WDR41: variants seen among roughly 807,000 people sequenced by gnomAD.
WDR41 encodes the protein WD repeat domain 41, also known as WD repeat-containing protein 41.
Under a neutral mutation model 69.3 loss-of-function variants are expected in WDR41, and 63 were observed. The observed-to-expected ratio is 0.91, with a 90% CI of 0.74 to 1.12. The LOEUF is 1.12. Ranked by LOEUF, WDR41 falls within the 50% of genes most tolerant of loss-of-function variation. The probability of loss-of-function intolerance (pLI) is 0.00; values close to 1 mark genes in which losing one functional copy is unlikely to be tolerated. For missense variants in WDR41, 543 were observed against 534.5 expected, an observed-to-expected ratio of 1.02 and a Z score of -0.16; for synonymous variants, 185 against 192.1, an observed-to-expected ratio of 0.96 and a Z score of 0.31.
chr5:77,434,697 A>G (rs1324964865), intron 12 of WDR41, among the ~76,000 whole-genome samples: 2 of 152,110 alleles, frequency 1.3e-5, no homozygotes, highest in Non-Finnish European at 2.9e-5. Flanking sequence ...ATGCTGTCTC[A>G]AAGAAAAAAA....
intron 2 of WDR41, among the ~76,000 whole-genome samples, chr5:77,478,289 A>T (rs552329238): frequency 6.6e-6 from 1 of 152,342 alleles, no homozygotes; most frequent in South Asian, 2.1e-4. Flanking sequence ...TATTCCAATC[A>T]ATAGTAAAAG....
At chr5:77,484,946 T>A (rs1371612911) in intron 2 of WDR41, among the ~76,000 whole-genome samples, 1 of 152,194 alleles carries the variant, frequency 6.6e-6, no homozygotes, top group Admixed American at 6.5e-5. Flanking sequence ...AGAAGCCAGG[T>A]GCATGTTCTT....
chr5:77,561,077 C>T (rs1743515050), intron 1 of WDR41, among the ~76,000 whole-genome samples: 1 of 152,102 alleles, frequency 6.6e-6, no homozygotes, highest in South Asian at 2.1e-4. Flanking sequence ...TTACATTGTT[C>T]TCTGTATCCA....
intron 1 of WDR41, among the ~76,000 whole-genome samples, chr5:77,576,125 G>A (rs1165719292): frequency 6.6e-6 from 1 of 152,066 alleles, no homozygotes; most frequent in African/African-American, 2.4e-5. Flanking sequence ...AACTGTTTGC[G>A]ATATGACAAA....
chr5:77,617,146 T>C (rs1006534910), intron 1 of WDR41, among the ~76,000 whole-genome samples: 12 of 152,228 alleles, frequency 7.9e-5, no homozygotes, highest in Non-Finnish European at 1.2e-4. Context: ...TTTGTGATGA[T>C]ATCCAATATA....
intron 1 of WDR41, among the ~76,000 whole-genome samples, chr5:77,619,787 G>A (rs1184246510): frequency 1.3e-5 from 2 of 152,088 alleles, no homozygotes; most frequent in African/African-American, 4.8e-5. Context: ...AGTCTTACTG[G>A]AAAGCCAGGA....
chr5:77,611,413 A>T (rs1250585718), intron 1 of WDR41, among the ~76,000 whole-genome samples: 7 of 152,216 alleles, frequency 4.6e-5, no homozygotes, highest in South Asian at 2.1e-4. Context: ...GAAGTAAAGC[A>T]CTCCTCAGCA....
chr5:77,488,588 TG>T (rs1321791617), intron 2 of WDR41, among the ~76,000 whole-genome samples: 3 of 150,452 alleles, frequency 2.0e-5, no homozygotes, highest in African/African-American at 7.4e-5. Flanking sequence ...AAATTAGAGA[TG>T]AAAGTGGAAA....
intron 8 of WDR41, 98 bp from the exon 9 acceptor site, chr5:77,441,095 G>A: frequency 7.6e-7 from 1 of 1,319,688 alleles, no homozygotes; most frequent in Non-Finnish European, 1.0e-6. Flanking sequence ...TAAAACCACA[G>A]TAATTAGAAC....
intron 4 of WDR41, among the ~76,000 whole-genome samples, chr5:77,459,842 T>G (rs1799971501): frequency 6.7e-6 from 1 of 149,672 alleles, no homozygotes; most frequent in Non-Finnish European, 1.5e-5. Context: ...TGTTATATTT[T>G]TATTATACAG....
intron 2 of WDR41, among the ~76,000 whole-genome samples, chr5:77,486,196 C>A (rs1252839435): frequency 6.6e-6 from 1 of 152,112 alleles, no homozygotes; most frequent in Non-Finnish European, 1.5e-5. Context: ...TTTTTTAGTA[C>A]ACTACAGAAT....
intron 1 of WDR41, among the ~76,000 whole-genome samples, chr5:77,565,339 C>T (rs1743603001): frequency 6.6e-6 from 1 of 152,160 alleles, no homozygotes; most frequent in Non-Finnish European, 1.5e-5. Flanking sequence ...GCTGAATGCC[C>T]TTTGCCAATT....
intron 1 of WDR41, among the ~76,000 whole-genome samples, chr5:77,501,370 G>A (rs796682751): frequency 1.5e-4 from 23 of 152,236 alleles, no homozygotes; most frequent in East Asian, 1.3e-3. Flanking sequence ...CAAAGCAGCC[G>A]GGAAGCTCGA....
chr5:77,435,161 T>C (rs953108027), intron 12 of WDR41, among the ~76,000 whole-genome samples: 1 of 152,162 alleles, frequency 6.6e-6, no homozygotes, highest in Non-Finnish European at 1.5e-5. Context: ...AGTTAAAAAC[T>C]GAGCTACTTG....
chr5:77,543,429 T>G (rs556414881), intron 1 of WDR41, among the ~76,000 whole-genome samples: 1 of 152,102 alleles, frequency 6.6e-6, no homozygotes, highest in African/African-American at 2.4e-5. Flanking sequence ...GGGAGAAATA[T>G]TCAAGGAAAT....
intron 9 of WDR41, among the ~76,000 whole-genome samples, chr5:77,439,456 T>C (rs1454112381): frequency 2.0e-5 from 3 of 152,226 alleles, no homozygotes; most frequent in African/African-American, 7.2e-5. Flanking sequence ...TAATGAACAC[T>C]GCTAGCCAAT....
chr5:77,596,709 C>T (rs546324482), intron 1 of WDR41, among the ~76,000 whole-genome samples: 9 of 152,192 alleles, frequency 5.9e-5, no homozygotes, highest in Admixed American at 3.3e-4. Context: ...AGTTTTGTGC[C>T]ATATGTATTG....
At chr5:77,438,610 C>T (rs954966482) in intron 9 of WDR41, among the ~76,000 whole-genome samples, 6 of 152,188 alleles carry the variant, frequency 3.9e-5, no homozygotes, top group African/African-American at 1.4e-4. Flanking sequence ...TATCCCTTAG[C>T]GCCACTTCTT....
chr5:77,453,916 G>A lies in WDR41; in HGVS notation c.424C>T (p.Leu142Phe), dbSNP rs1404265186. Reference sequence around the variant, plus strand: ...GAAAGCCAAACATCTAGTCTCTGAAGAACAGTTAAACACTGCAAAATTTAT... The same window carrying A: ...GAAAGCCAAACATCTAGTCTCTGAAAAACAGTTAAACACTGCAAAATTTAT... ...FQSTVKCLTV[L>F]QRLDVWLSGG... Residue 142 changes from leucine (L) to phenylalanine (F), a missense_variant, in exon 6 of 13, where the codon CTT becomes TTT. Physicochemically the swap from Leu to Phe is conservative, Grantham distance 22. Coordinates refer to ENST00000296679, the MANE Select transcript of WDR41 (RefSeq NM_018268.4). 4.3e-6 allele frequency: 7 copies of A among 1,613,942 alleles called. No homozygotes were observed. The highest frequency in any genetic ancestry group is 1.3e-5 in the African/African-American group (1 of 75,036).
Sources: allele counts gnomAD v4.1 joint callset (sites outside exome capture counted in the v4.1 genomes callset), GRCh38; gene constraint gnomAD v4.1.1; transcripts MANE v1.5; gene names NCBI Gene and HGNC (gene_info 2026-07-23, HGNC 2026-07-21).